RNF146: variants seen among roughly 807,000 people sequenced by gnomAD.
The protein encoded by RNF146 is E3 ubiquitin-protein ligase RNF146.
RNF146 carries 11 observed loss-of-function variants against 29.7 expected under a neutral mutation model. The observed-to-expected ratio is 0.37, with a 90% CI of 0.23 to 0.61. The LOEUF (loss-of-function observed/expected upper bound fraction) is 0.61, where lower values mean the gene tolerates loss of function less well. Ranked by LOEUF, RNF146 falls within the 20% of genes least tolerant of loss-of-function variation. The pLI, the probability that RNF146 is intolerant of heterozygous loss-of-function variation, is 0.66. For missense variants in RNF146, 342 were observed against 438.9 expected (o/e 0.78, Z 1.97); for synonymous variants, 150 against 159.7 (o/e 0.94, Z 0.46).
chr6:127,276,415 T>C (rs567166109), intron 1 of RNF146, among the ~76,000 whole-genome samples: 19 of 152,078 alleles, frequency 1.2e-4, no homozygotes, highest in African/African-American at 4.6e-4. Context: ...AAGGACTTTC[T>C]CTTTTTCTCC....
chr6:127,275,704 T>C (rs1005926140), intron 1 of RNF146, among the ~76,000 whole-genome samples: 1 of 152,016 alleles, frequency 6.6e-6, no homozygotes, highest in Non-Finnish European at 1.5e-5. Context: ...TCAGAGAAAA[T>C]GGTAGAGATA....
intron 2 of RNF146, among the ~76,000 whole-genome samples, chr6:127,283,206 A>C (rs1425403078): frequency 2.0e-5 from 3 of 151,774 alleles, no homozygotes; most frequent in African/African-American, 7.2e-5. Flanking sequence ...TTATACTTAA[A>C]AGTTGGAATA....
intron 1 of RNF146, among the ~76,000 whole-genome samples, 158 bp from the exon 2 acceptor site, chr6:127,280,073 T>C (rs1371728425): frequency 6.6e-6 from 1 of 151,842 alleles, no homozygotes; most frequent in East Asian, 1.9e-4. Context: ...TTTGCTCTGC[T>C]AGAACTTACA....
chr6:127,273,230 A>G (rs1389328388), intron 1 of RNF146, among the ~76,000 whole-genome samples: 1 of 152,238 alleles, frequency 6.6e-6, no homozygotes, highest in African/African-American at 2.4e-5. Flanking sequence ...ATTAGTGTCC[A>G]CAGCATTTTA....
intron 2 of RNF146, chr6:127,285,973 A>T: frequency 9.2e-7 from 1 of 1,088,332 alleles, no homozygotes; most frequent in Non-Finnish European, 1.2e-6. Context: ...TCAATAAGGC[A>T]GAAATTATAA....
chr6:127,281,968 A>G (rs928749688), intron 2 of RNF146, among the ~76,000 whole-genome samples: 1 of 151,708 alleles, frequency 6.6e-6, no homozygotes, highest in African/African-American at 2.4e-5. Context: ...AGGTGTTAGT[A>G]TATCGATAAA....
At chr6:127,275,661 TAGAGG>T (rs772899281) in intron 1 of RNF146, among the ~76,000 whole-genome samples, 8 of 151,910 alleles carry the variant, frequency 5.3e-5, no homozygotes, top group Non-Finnish European at 1.0e-4. Context: ...ATACAAAACA[TAGAGG>T]AGAGAACAGT....
chr6:127,279,766 G>A (rs1371672274), intron 1 of RNF146, among the ~76,000 whole-genome samples: 1 of 151,828 alleles, frequency 6.6e-6, no homozygotes, highest in Admixed American at 6.6e-5. Context: ...TTTCAGTAAT[G>A]CTTTATAGTT....
chr6:127,269,762 TCA>T (rs1305661195), intron 1 of RNF146, among the ~76,000 whole-genome samples: 1 of 152,192 alleles, frequency 6.6e-6, no homozygotes, highest in Non-Finnish European at 1.5e-5. Context: ...GTCTGCTAAC[TCA>T]CACCTGATTT....
At chr6:127,282,323 T>C (rs538994556) in intron 2 of RNF146, 1 of 151,908 alleles carries the variant, frequency 6.6e-6, no homozygotes, top group Non-Finnish European at 1.5e-5. Context: ...GTTGGCCCTT[T>C]TGACTGCTCT....
chr6:127,283,795 T>G (rs780364388), intron 2 of RNF146, among the ~76,000 whole-genome samples: 4 of 151,734 alleles, frequency 2.6e-5, no homozygotes, highest in Non-Finnish European at 5.9e-5. Context: ...TAGTTAAGAG[T>G]GCTTCAGATG....
At chr6:127,284,037 TATTA>T (rs1779223302) in intron 2 of RNF146, among the ~76,000 whole-genome samples, 1 of 151,822 alleles carries the variant, frequency 6.6e-6, no homozygotes, top group Non-Finnish European at 1.5e-5. Flanking sequence ...TCATGCAAAA[TATTA>T]ATCATATTAA....
intron 1 of RNF146, among the ~76,000 whole-genome samples, chr6:127,268,423 AATATTGTTTGTATAG>A (rs1325553734): frequency 1.3e-5 from 2 of 152,230 alleles, no homozygotes; most frequent in East Asian, 3.8e-4. Flanking sequence ...ATGATTAGCA[AATATTGTTTGTATAG>A]AGTGTCTGGG....
chr6:127,268,727 C>A (rs1020246788), intron 1 of RNF146, among the ~76,000 whole-genome samples: 1 of 152,040 alleles, frequency 6.6e-6, no homozygotes, highest in Non-Finnish European at 1.5e-5. Flanking sequence ...AAAACTCTCT[C>A]CAAATAGCTG....
At chr6:127,280,122 C>T (rs539205762) in intron 1 of RNF146, 109 bp from the exon 2 acceptor site, 18 of 540,114 alleles carry the variant, frequency 3.3e-5, no homozygotes, top group South Asian at 3.1e-4. Flanking sequence ...TGCATCTTGT[C>T]TTTAATTTTT....
At chr6:127,270,469 A>G (rs570671381) in intron 1 of RNF146, among the ~76,000 whole-genome samples, 13 of 152,288 alleles carry the variant, frequency 8.5e-5, no homozygotes, top group Non-Finnish European at 1.9e-4. Context: ...AGTTGAAATC[A>G]TACTGTTCTG....
intron 1 of RNF146, among the ~76,000 whole-genome samples, chr6:127,274,669 A>G (rs942379862): frequency 2.6e-5 from 4 of 152,178 alleles, no homozygotes; most frequent in Non-Finnish European, 5.9e-5. Context: ...TCTGAGAAGG[A>G]TGGATTGGTA....
At chr6:127,267,699 T>G (rs1007109195) in intron 1 of RNF146, among the ~76,000 whole-genome samples, 1 of 152,188 alleles carries the variant, frequency 6.6e-6, no homozygotes, top group African/African-American at 2.4e-5. Context: ...CTTAGTTGTT[T>G]TTGACGGCTG....
chr6:127,281,093 A>G (rs1213599808), intron 2 of RNF146, among the ~76,000 whole-genome samples: 1 of 151,660 alleles, frequency 6.6e-6, no homozygotes, highest in East Asian at 1.9e-4. Flanking sequence ...ACATTTTCCC[A>G]GTTTGACATA....
Sources: allele counts gnomAD v4.1 joint callset (sites outside exome capture counted in the v4.1 genomes callset), GRCh38; gene constraint gnomAD v4.1.1; transcripts MANE v1.5; gene names NCBI Gene and HGNC (gene_info 2026-07-23, HGNC 2026-07-21).